RASSF9: variants seen among roughly 807,000 people sequenced by gnomAD.
The protein encoded by RASSF9 is Ras association domain family member 9, also known as ras association domain-containing protein 9.
A neutral mutation model predicts 21.4 loss-of-function variants in RASSF9; 18 were observed. The ratio of observed to expected loss-of-function variants is 0.84; its 90% confidence interval spans 0.58 to 1.25. RASSF9 has a LOEUF of 1.25. Ranked by LOEUF, RASSF9 falls within the 50% of genes most tolerant of loss-of-function variation. The pLI, the probability that RASSF9 is intolerant of heterozygous loss-of-function variation, is 0.00. For synonymous variants in RASSF9, 183 were observed against 179.1 expected (o/e 1.02, Z -0.18); for missense variants, 480 against 503.2 (o/e 0.95, Z 0.44).
At chr12:85,816,309 T>TA (rs201674833) in intron 1 of RASSF9, among the ~76,000 whole-genome samples, 34,849 of 139,944 alleles carry the variant, frequency 0.25, 4,175 homozygotes, top group Non-Finnish European at 0.27. Context: ...ACTTAAAAGT[T>TA]AAAAAAAAAA....
intron 1 of RASSF9, among the ~76,000 whole-genome samples, chr12:85,835,601 T>C (rs536252059): frequency 6.6e-6 from 1 of 151,500 alleles, no homozygotes; most frequent in African/African-American, 2.5e-5. Context: ...AAAGTTTCTC[T>C]CCAGAGTGTT....
chr12:85,831,637 C>T (rs114969757), intron 1 of RASSF9, among the ~76,000 whole-genome samples: 181 of 152,010 alleles, frequency 1.2e-3, no homozygotes, highest in African/African-American at 4.1e-3. Context: ...GATTTACATA[C>T]TCAAATATCT....
chr12:85,805,435 G>C lies in RASSF9; in HGVS notation c.575C>G (p.Ser192Cys), dbSNP rs762906584. 6.2e-7 allele frequency: 1 copy of C among 1,613,884 alleles called. No individual in the cohort carries two copies. Among genetic ancestry groups the C allele is most frequent in the Admixed American group, 1.7e-5 (1 of 60,026 alleles). The change falls in exon 2 of 2, where the codon TCC becomes TGC. Residue 192 changes from serine (S) to cysteine (C), a missense_variant. Coordinates refer to ENST00000361228, the MANE Select transcript of RASSF9 (RefSeq NM_005447.4). ...NMETLVHLII[S>C]QDHTIHQQVK... ...TTGCTGATGAATAGTATGGTCCTGG[G>C]AAATGATCAGATGAACTAATGTCTC... is the stretch of plus-strand genomic sequence containing the variant.
At chr12:85,830,106 G>A (rs1435222684) in intron 1 of RASSF9, among the ~76,000 whole-genome samples, 1 of 152,064 alleles carries the variant, frequency 6.6e-6, no homozygotes, top group African/African-American at 2.4e-5. Context: ...TAGGAGATAT[G>A]CTCCACATTC....
chr12:85,835,654 CAG>C (rs1880544214), intron 1 of RASSF9, among the ~76,000 whole-genome samples: 2 of 152,184 alleles, frequency 1.3e-5, no homozygotes, highest in Non-Finnish European at 2.9e-5. Context: ...GCCTCACTCT[CAG>C]GGGAGCCAAA....
At chr12:85,806,544 A>C (rs1380674932) in intron 1 of RASSF9, among the ~76,000 whole-genome samples, 1 of 150,982 alleles carries the variant, frequency 6.6e-6, no homozygotes, top group Non-Finnish European at 1.5e-5. Context: ...GTGGTGATGG[A>C]CACCTGTAAT....
At chr12:85,819,920 T>C (rs1179151624) in intron 1 of RASSF9, among the ~76,000 whole-genome samples, 2 of 152,210 alleles carry the variant, frequency 1.3e-5, no homozygotes, top group African/African-American at 4.8e-5. Context: ...AAATGGAAAA[T>C]TGAAAAGGAT....
intron 1 of RASSF9, among the ~76,000 whole-genome samples, chr12:85,812,673 T>C (rs1438619727): frequency 6.6e-6 from 1 of 151,416 alleles, no homozygotes; most frequent in Non-Finnish European, 1.5e-5. Context: ...ATAAGAGTAA[T>C]AGAACTGGAA....
chr12:85,821,172 T>C (rs1233823382), intron 1 of RASSF9, among the ~76,000 whole-genome samples: 1 of 151,984 alleles, frequency 6.6e-6, no homozygotes, highest in Non-Finnish European at 1.5e-5. Flanking sequence ...AAAGCTACAT[T>C]GACCAATAAA....
intron 1 of RASSF9, among the ~76,000 whole-genome samples, chr12:85,822,804 C>G (rs1880239917): frequency 6.6e-6 from 1 of 152,142 alleles, no homozygotes; most frequent in South Asian, 2.1e-4. Flanking sequence ...CTTCGCTTGA[C>G]CACATATTCC....
chr12:85,805,470 T>A lies in RASSF9; in HGVS notation c.540A>T (p.Arg180=), dbSNP rs753155111. ...GATGAACTAATGTCTCCATATTATC[T>A]CGATCATGAGAAACTGTGTCCTGCT... is the stretch of plus-strand genomic sequence containing the variant. The part of the protein sequence containing the change: ...KIKQDTVSHD[R]DNMETLVHLI... The change falls in exon 2 of 2, where the codon CGA becomes CGT. Residue 180 remains arginine, a synonymous_variant. Coordinates refer to ENST00000361228, the MANE Select transcript of RASSF9 (RefSeq NM_005447.4). 1.2e-6 allele frequency: 2 copies of A among 1,613,876 alleles called. No individual in the cohort carries two copies. Among genetic ancestry groups the A allele is most frequent in the Non-Finnish European group, 1.7e-6 (2 of 1,179,908 alleles).
chr12:85,804,872 T>C lies in RASSF9; in HGVS notation c.1138A>G (p.Asn380Asp). The stretch of plus-strand genomic sequence containing the variant: ...GGAACCTCAGATTCCTTCGCTCTGT[T>C]TTCCTTTAACTGGCACCCATCTTTG... ...SNKDGCQLKE[N>D]RAKESEVPSS... The change falls in exon 2 of 2, where the codon AAC (asparagine) becomes GAC (aspartate). Residue 380 changes from asparagine (N) to aspartate (D), a missense_variant. Transcript: ENST00000361228. 6.2e-7 allele frequency: 1 copy of C among 1,613,820 alleles called. No homozygotes were observed. The highest frequency in any genetic ancestry group is 1.1e-5 in the South Asian group (1 of 91,078).
intron 1 of RASSF9, among the ~76,000 whole-genome samples, chr12:85,819,524 T>C (rs1217866579): frequency 2.6e-5 from 4 of 152,222 alleles, no homozygotes; most frequent in African/African-American, 9.6e-5. Flanking sequence ...TCTAAGTGCT[T>C]TACATGTTCA....
In RASSF9 at chr12:85,804,466, C is replaced by T. The variant is rs1373754968; in HGVS notation, c.*236G>A. The stretch of plus-strand genomic sequence containing the variant: ...CCCATCAAATTATTTCTGTGTTCTA[C>T]AACGACAAGCTATTTGTGCTGCATT... On this transcript the variant is annotated 3_prime_UTR_variant, in exon 2 of 2. Transcript: ENST00000361228. 4 of 413,376 alleles carry T rather than the reference C, an allele frequency of 9.7e-6. No homozygotes were observed. Among genetic ancestry groups the T allele is most frequent in the Non-Finnish European group, 1.7e-5 (4 of 234,562 alleles). The allele number at this position is 413,376 out of a possible 1,614,324, so 25.6% of individuals were successfully genotyped here. A position where few individuals can be genotyped will look rare whatever the true frequency, so the allele number is the denominator to read the frequency against.
chr12:85,827,623 G>A (rs531418848), intron 1 of RASSF9, among the ~76,000 whole-genome samples: 2 of 152,102 alleles, frequency 1.3e-5, no homozygotes, highest in Admixed American at 6.5e-5. Flanking sequence ...TTCCCTACTC[G>A]TAAGCCCCTT....
intron 1 of RASSF9, among the ~76,000 whole-genome samples, chr12:85,811,415 G>A (rs1048792833): frequency 6.6e-6 from 1 of 151,748 alleles, no homozygotes; most frequent in African/African-American, 2.4e-5. Context: ...TACCATAATT[G>A]TTTGCAAGTG....
intron 1 of RASSF9, among the ~76,000 whole-genome samples, chr12:85,818,637 C>T (rs916703317): frequency 5.9e-5 from 9 of 152,090 alleles, no homozygotes; most frequent in Admixed American, 1.3e-4. Context: ...CATACACAGT[C>T]TCCTAATTTT....
chr12:85,823,035 CT>C (rs1263128892), intron 1 of RASSF9, among the ~76,000 whole-genome samples: 1 of 152,062 alleles, frequency 6.6e-6, no homozygotes, highest in East Asian at 1.9e-4. Flanking sequence ...CCCGTCTCCA[CT>C]AAAAATACAA....
chr12:85,834,837 A>T (rs61314904), intron 1 of RASSF9, among the ~76,000 whole-genome samples: 9,069 of 152,182 alleles, frequency 0.06, 904 homozygotes, highest in African/African-American at 0.21. Flanking sequence ...AGAATATTTT[A>T]AAATGCATTG....
Sources: gnomAD v4.1 joint callset for allele counts (sites outside exome capture counted in the v4.1 genomes callset) on GRCh38, gnomAD v4.1.1 for gene constraint, MANE v1.5 for transcripts, NCBI Gene and HGNC (gene_info 2026-07-23, HGNC 2026-07-21) for gene names.